The following EXOC4 variants were observed in gnomAD, a reference collection of about 807,000 sequenced individuals.
EXOC4 encodes the protein exocyst complex component 4.
EXOC4 carries 71 observed loss-of-function variants against 107.2 expected under a neutral mutation model. The ratio of observed to expected loss-of-function variants is 0.66; its 90% CI spans 0.55 to 0.81. EXOC4 has a LOEUF of 0.81. EXOC4 is among the 30% of genes least tolerant of loss of function. The pLI is 0.00. For synonymous variants in EXOC4, 456 were observed against 441.2 expected (o/e 1.03, Z -0.42); for missense variants, 1,108 against 1,189.6 (o/e 0.93, Z 1.01).
At chr7:133,941,073 C>G (rs1800416534) in intron 14 of EXOC4, among the ~76,000 whole-genome samples, 3 of 151,522 alleles carry the variant, frequency 2.0e-5, no homozygotes, top group Admixed American at 1.3e-4. Flanking sequence ...TCTCGGCTCA[C>G]TGCAGCCTCT....
In EXOC4 at chr7:133,325,949, C is replaced by A. The variant is rs569316660; in HGVS notation, c.763+8559C>A. 3.2e-3 allele frequency among the ~76,000 whole-genome samples: 494 copies of A among 152,296 alleles called. 1 individual carries two copies. The highest frequency in any genetic ancestry group is 5.2e-3 in the Non-Finnish European group (355 of 68,022). The stretch of plus-strand genomic sequence containing the variant: ...TTTCTCTAAACTTCTCTTCTTGCTT[C>A]ATTTCATTCATTTGATCTTCATTCA... On this transcript the variant is annotated intron_variant, in intron 5 of 17. Transcript: ENST00000253861.
At chr7:133,318,573 T>C (rs1361658781) in intron 5 of EXOC4, among the ~76,000 whole-genome samples, 5 of 152,206 alleles carry the variant, frequency 3.3e-5, no homozygotes, top group African/African-American at 4.8e-5. Flanking sequence ...ATAGTTCTTA[T>C]TAGTGCTGTA....
intron 10 of EXOC4, among the ~76,000 whole-genome samples, chr7:133,673,385 C>T (rs1174275209): frequency 6.6e-6 from 1 of 152,146 alleles, no homozygotes; most frequent in Non-Finnish European, 1.5e-5. Flanking sequence ...TTATTTTTCT[C>T]ATCTTTTAAT....
intron 9 of EXOC4, among the ~76,000 whole-genome samples, chr7:133,485,463 A>G (rs1182746148): frequency 2.6e-5 from 4 of 151,928 alleles, no homozygotes; most frequent in Non-Finnish European, 5.9e-5. Flanking sequence ...ACCAAGCTTC[A>G]CTCAGTGCCC....
At chr7:133,810,596 C>CTTTAT (rs60838740) in intron 10 of EXOC4, among the ~76,000 whole-genome samples, 10,399 of 103,632 alleles carry the variant, frequency 0.1, 514 homozygotes, top group Non-Finnish European at 0.13. Context: ...CCATGCTTTG[C>CTTTAT]TTTATTTTAT....
intron 10 of EXOC4, among the ~76,000 whole-genome samples, chr7:133,779,299 A>G (rs1328780445): frequency 6.6e-6 from 1 of 152,214 alleles, no homozygotes; most frequent in African/African-American, 2.4e-5. Context: ...GTCTATAAAA[A>G]TGAGGATTTT....
At chr7:134,034,634 T>TGCC (rs1795347510) in intron 17 of EXOC4, among the ~76,000 whole-genome samples, 1 of 152,222 alleles carries the variant, frequency 6.6e-6, no homozygotes, top group Non-Finnish European at 1.5e-5. Flanking sequence ...CTTCACTTTC[T>TGCC]GCCATGATTG....
At chr7:133,340,361 C>A (rs1460453838) in intron 5 of EXOC4, among the ~76,000 whole-genome samples, 1 of 150,766 alleles carries the variant, frequency 6.6e-6, no homozygotes, top group Non-Finnish European at 1.5e-5. Flanking sequence ...CTGTGAAGCC[C>A]ACTTGATCAC....
chr7:133,793,537 T>C (rs1259546503), intron 10 of EXOC4, among the ~76,000 whole-genome samples: 6 of 152,138 alleles, frequency 3.9e-5, no homozygotes, highest in Non-Finnish European at 8.8e-5. Flanking sequence ...TCACACTGTT[T>C]CATCATTTTA....
chr7:133,906,184 G>A (rs10224683), intron 12 of EXOC4, among the ~76,000 whole-genome samples: 70,984 of 152,026 alleles, frequency 0.47, 17,880 homozygotes, highest in African/African-American at 0.65. Context: ...AGACACTAGG[G>A]ACTCTGGTGG....
chr7:133,665,842 C>T (rs1793801102), intron 10 of EXOC4, among the ~76,000 whole-genome samples: 1 of 152,082 alleles, frequency 6.6e-6, no homozygotes, highest in Admixed American at 6.6e-5. Context: ...TTTGTTTTGT[C>T]ATTTTCAAGC....
intron 10 of EXOC4, among the ~76,000 whole-genome samples, chr7:133,664,410 G>C (rs1434727937): frequency 6.6e-6 from 1 of 152,046 alleles, no homozygotes; most frequent in East Asian, 1.9e-4. Flanking sequence ...GGTTGAGTCA[G>C]GGTATGTCAG....
Position 133,760,551 on chromosome 7 carries a change from C to A in EXOC4, c.1515-56774C>A, listed in dbSNP as rs1796012208. Among the ~76,000 whole-genome samples, 7 of 152,196 alleles carry A rather than the reference C, an allele frequency of 4.6e-5. No individual in the cohort carries two copies. In the South Asian group the frequency reaches 1.5e-3, roughly 32 times the overall value. ...ATCATCTCTACCTGATATGACCGCACACGTGAGTGCCTGGCACCTGCTCTT... is the reference window on the plus strand; with the variant it reads ...ATCATCTCTACCTGATATGACCGCAAACGTGAGTGCCTGGCACCTGCTCTT... On this transcript the variant is annotated intron_variant, in intron 10 of 17. Transcript: ENST00000253861.
intron 3 of EXOC4, among the ~76,000 whole-genome samples, chr7:133,297,850 G>T (rs1427195408): frequency 1.3e-5 from 2 of 152,188 alleles, no homozygotes; most frequent in African/African-American, 4.8e-5. Context: ...GACTGTGTTT[G>T]CACACTTGAG....
intron 10 of EXOC4, among the ~76,000 whole-genome samples, chr7:133,772,045 A>G (rs2151163424): frequency 6.6e-6 from 1 of 152,102 alleles, no homozygotes; most frequent in East Asian, 1.9e-4. Context: ...TTTCTAATAC[A>G]TTTCTGGGAA....
At chr7:133,457,631 T>A (rs375382981) in intron 7 of EXOC4, among the ~76,000 whole-genome samples, 1 of 152,178 alleles carries the variant, frequency 6.6e-6, no homozygotes, top group African/African-American at 2.4e-5. Context: ...CTCCTTAGAG[T>A]TGGTGTATCC....
the EXOC4 span, among the ~76,000 whole-genome samples, chr7:134,087,148 C>T: frequency 2.0e-5 from 3 of 152,254 alleles, no homozygotes; most frequent in African/African-American, 7.2e-5. Flanking sequence ...CATTTTACTC[C>T]ACCCTTATTC....
intron 14 of EXOC4, among the ~76,000 whole-genome samples, chr7:133,997,254 A>G (rs539594653): frequency 1.3e-5 from 2 of 152,308 alleles, no homozygotes; most frequent in South Asian, 2.1e-4. Flanking sequence ...TTTGACATTG[A>G]AAGTAATACT....
intron 12 of EXOC4, 125 bp downstream of exon 12, chr7:133,895,860 C>T: frequency 9.8e-7 from 1 of 1,019,272 alleles, no homozygotes; most frequent in Non-Finnish European, 1.4e-6. Flanking sequence ...GAGATGAGAA[C>T]ATGCATCATG....
Sources: allele counts gnomAD v4.1 joint callset (sites outside exome capture counted in the v4.1 genomes callset), GRCh38; gene constraint gnomAD v4.1.1; transcripts MANE v1.5; gene names NCBI Gene and HGNC (gene_info 2026-07-23, HGNC 2026-07-21).